The following MYOM1 variants were observed in gnomAD, a reference collection of about 807,000 sequenced individuals.
The protein encoded by MYOM1 is myomesin-1.
Under a neutral mutation model 205.3 loss-of-function variants are expected in MYOM1, and 164 were observed. The ratio of observed to expected loss-of-function variants is 0.80; its 90% CI spans 0.70 to 0.91. The LOEUF (loss-of-function observed/expected upper bound fraction) is 0.91, where lower values mean the gene tolerates loss of function less well. MYOM1 is among the 40% of genes least tolerant of loss of function. The pLI, the probability that MYOM1 is intolerant of heterozygous loss-of-function variation, is 0.00. For synonymous variants in MYOM1, 772 were observed against 789.4 expected, an observed-to-expected ratio of 0.98 and a Z score of 0.37; for missense variants, 2,011 against 2,127.3, an observed-to-expected ratio of 0.95 and a Z score of 1.08.
the MYOM1 span, among the ~76,000 whole-genome samples, chr18:3,237,765 A>C: frequency 2.0e-5 from 3 of 152,192 alleles, no homozygotes; most frequent in Non-Finnish European, 2.9e-5. Flanking sequence ...TTCTAGACAG[A>C]AAGTAGAATG....
chr18:3,193,835 TAC>T lies in MYOM1; in HGVS notation c.412_413del (p.Val138ThrfsTer15). Reference sequence around the variant, plus strand: ...ACACTCACCGTCCTGAGAAAATGGGTACCATGTAGTCACTGGGCAAATTTTCT... The same window carrying T: ...ACACTCACCGTCCTGAGAAAATGGGTCATGTAGTCACTGGGCAAATTTTCT... Reference protein sequence around the residue: ...EKENLPSDYMVPIFSGRQKHV... With the variant: ...EKENLPSDYMXPIFSGRQKHV... On this transcript the variant is annotated frameshift_variant, in exon 3 of 38. Transcript: ENST00000356443. LOFTEE classifies it high-confidence loss of function. 1 of 1,613,182 alleles carries T rather than the reference TAC, an allele frequency of 6.2e-7. No homozygotes were observed. Among genetic ancestry groups the T allele is most frequent in the Non-Finnish European group, 8.5e-7 (1 of 1,179,592 alleles).
chr18:3,173,347 T>G (rs556863543), intron 8 of MYOM1, among the ~76,000 whole-genome samples: 1 of 152,316 alleles, frequency 6.6e-6, no homozygotes, highest in East Asian at 1.9e-4. Flanking sequence ...GGCCCAACCT[T>G]GCCTTCAAGT....
At chr18:3,161,230 A>G (rs1201429985) in intron 10 of MYOM1, among the ~76,000 whole-genome samples, 1 of 152,192 alleles carries the variant, frequency 6.6e-6, no homozygotes, top group Admixed American at 6.5e-5. Flanking sequence ...AAAGCCTTAT[A>G]TGCTTTTCAG....
chr18:3,084,372 C>G (rs543137080), intron 31 of MYOM1, among the ~76,000 whole-genome samples: 1 of 151,586 alleles, frequency 6.6e-6, no homozygotes, highest in African/African-American at 2.4e-5. Context: ...CATTAGAGGA[C>G]ATTTTCTTAG....
At chr18:3,148,844 CAAAAAAAA>C (rs71159049) in intron 13 of MYOM1, among the ~76,000 whole-genome samples, 2,043 of 47,934 alleles carry the variant, frequency 0.043, 37 homozygotes, top group African/African-American at 0.14. Context: ...AGACTCCATC[CAAAAAAAA>C]AAAAAAAAAA....
intron 37 of MYOM1, among the ~76,000 whole-genome samples, chr18:3,071,287 G>A (rs1453079279): frequency 2.0e-5 from 3 of 152,138 alleles, no homozygotes; most frequent in African/African-American, 7.2e-5. Context: ...GATACTAAGT[G>A]GTCTACATAT....
intron 19 of MYOM1, among the ~76,000 whole-genome samples, chr18:3,124,476 C>A (rs2079748155): frequency 6.6e-6 from 1 of 150,698 alleles, no homozygotes; most frequent in Non-Finnish European, 1.5e-5. Context: ...AGCTGAGTGC[C>A]CGCCACCACG....
chr18:3,178,364 G>C (rs988382060), intron 5 of MYOM1, among the ~76,000 whole-genome samples: 1 of 152,208 alleles, frequency 6.6e-6, no homozygotes. Context: ...ACACAGCCAG[G>C]AACAGCAGAG....
Position 3,088,428 on chromosome 18 carries a change from C to T in MYOM1, c.4137+746G>A, listed in dbSNP as rs190878729. ...TTTCCTTATATGTATTTCTGATAGACTGCTGTTTCTTTGAGTTTATCACAT... is the reference window on the plus strand; with the variant it reads ...TTTCCTTATATGTATTTCTGATAGATTGCTGTTTCTTTGAGTTTATCACAT... On this transcript the variant is annotated intron_variant, in intron 29 of 37. Coordinates refer to ENST00000356443, the MANE Select transcript of MYOM1 (RefSeq NM_003803.4). 1.5e-4 allele frequency among the ~76,000 whole-genome samples: 23 copies of T among 152,270 alleles called. No homozygotes were observed. In the East Asian group the frequency reaches 1.9e-3, roughly 13 times the overall value.
chr18:3,075,544 C>G, intron 35 of MYOM1, 68 bp from the exon 36 acceptor site: 7 of 1,548,934 alleles, frequency 4.5e-6, no homozygotes, highest in Non-Finnish European at 6.2e-6. Flanking sequence ...AGTAGCTAAA[C>G]TTGACGACAT....
At chr18:3,192,709 TTTCCTTTCAAGA>T (rs1290739467) in intron 3 of MYOM1, among the ~76,000 whole-genome samples, 5 of 152,208 alleles carry the variant, frequency 3.3e-5, no homozygotes, top group Non-Finnish European at 7.4e-5. Flanking sequence ...CCAGGACAAG[TTTCCTTTCAAGA>T]TTCCTTTAAA....
At chr18:3,119,481 G>C (rs529120836) in intron 20 of MYOM1, among the ~76,000 whole-genome samples, 1 of 152,264 alleles carries the variant, frequency 6.6e-6, no homozygotes, top group African/African-American at 2.4e-5. Flanking sequence ...GAAGTGCAGG[G>C]AGAAGTGTTT....
chr18:3,237,455 C>T, the MYOM1 span, among the ~76,000 whole-genome samples: 11 of 151,842 alleles, frequency 7.2e-5, no homozygotes, highest in South Asian at 2.1e-4. Flanking sequence ...AAAAATTAGC[C>T]GGGCGTGGTG....
At chr18:3,109,033 T>A (rs905168662) in intron 22 of MYOM1, among the ~76,000 whole-genome samples, 1 of 151,828 alleles carries the variant, frequency 6.6e-6, no homozygotes, top group Non-Finnish European at 1.5e-5. Context: ...CAGGCTGGAG[T>A]GCAGTGATGT....
chr18:3,093,025 G>A (rs1439724014), intron 26 of MYOM1, among the ~76,000 whole-genome samples: 3 of 152,112 alleles, frequency 2.0e-5, no homozygotes, highest in South Asian at 2.1e-4. Context: ...CACAGCAGTC[G>A]AGGGAACATT....
At chr18:3,222,966 C>T (rs529830684), upstream of MYOM1, among the ~76,000 whole-genome samples, 31 of 152,230 alleles carry the variant, frequency 2.0e-4, no homozygotes, top group African/African-American at 7.0e-4. Context: ...ACTGCAACCT[C>T]GACCTCCTCA....
At chr18:3,204,372 C>T (rs1030081597) in intron 2 of MYOM1, among the ~76,000 whole-genome samples, 31 of 151,996 alleles carry the variant, frequency 2.0e-4, no homozygotes, top group African/African-American at 6.5e-4. Flanking sequence ...TAAATGAGTT[C>T]AGCAAGGTCA....
chr18:3,221,132 C>CA (rs2081325648), upstream of MYOM1, among the ~76,000 whole-genome samples: 2 of 152,084 alleles, frequency 1.3e-5, no homozygotes, highest in African/African-American at 4.8e-5. Context: ...GCAATCCTCC[C>CA]ACCTCAGCCT....
rs1241920775 is a variant in MYOM1, at chr18:3,127,282, C to CATATATATATAT, written c.2795-397_2795-386dup. On this transcript the variant is annotated intron_variant, in intron 18 of 37. Coordinates refer to ENST00000356443, the MANE Select transcript of MYOM1 (RefSeq NM_003803.4). Reference sequence around the variant, plus strand: ...CTGCAATTTGCTTATTCAGAATTTCCATATATATATATATATATATATATT... The same window carrying CATATATATATAT: ...CTGCAATTTGCTTATTCAGAATTTCCATATATATATATATATATATATATATATATATATATT... 1.4e-3 allele frequency among the ~76,000 whole-genome samples: 83 copies of CATATATATATAT among 59,476 alleles called. 2 individuals carry two copies. Among genetic ancestry groups the CATATATATATAT allele is most frequent in the African/African-American group, 3.1e-3 (50 of 16,092 alleles). 39.0% of individuals were successfully genotyped at this position (59,476 alleles called of 152,430 possible). A position where few individuals can be genotyped will look rare whatever the true frequency, so the allele number is the denominator to read the frequency against.
Sources: gnomAD v4.1 joint callset for allele counts (sites outside exome capture counted in the v4.1 genomes callset) on GRCh38, gnomAD v4.1.1 for gene constraint, MANE v1.5 for transcripts, NCBI Gene and HGNC (gene_info 2026-07-23, HGNC 2026-07-21) for gene names.